Variants in AGBL1 observed in about 807,000 individuals in gnomAD.
The protein encoded by AGBL1 is cytosolic carboxypeptidase 4.
AGBL1 carries 130 observed loss-of-function variants against 118.9 expected under a neutral mutation model. The ratio of observed to expected loss-of-function variants is 1.09; its 90% CI spans 0.95 to 1.26. The LOEUF is 1.26. Ranked by LOEUF, AGBL1 falls within the 50% of genes most tolerant of loss-of-function variation. AGBL1 has a pLI of 0.00. For missense variants in AGBL1, 1,584 were observed against 1,298.1 expected (o/e 1.22, Z -3.38); for synonymous variants, 555 against 478.9 (o/e 1.16, Z -2.08).
intron 24 of AGBL1, among the ~76,000 whole-genome samples, chr15:86,992,214 G>A (rs981058361): frequency 1.4e-4 from 21 of 151,834 alleles, no homozygotes; most frequent in Non-Finnish European, 2.9e-5. Flanking sequence ...TGTGCTCTCA[G>A]ATTGAGAACT....
chr15:86,488,173 C>T (rs1019337153), intron 18 of AGBL1, among the ~76,000 whole-genome samples: 11 of 151,976 alleles, frequency 7.2e-5, no homozygotes, highest in African/African-American at 2.2e-4. Context: ...ACTTGAGCTC[C>T]TATATGTATA....
intron 24 of AGBL1, chr15:87,028,781 C>A (rs370171062): frequency 1.1e-5 from 17 of 1,579,504 alleles, no homozygotes; most frequent in South Asian, 5.6e-5. Flanking sequence ...AGAAGTTACA[C>A]GGCTTCAAGC....
At chr15:86,484,496 G>C (rs2082690157) in intron 18 of AGBL1, among the ~76,000 whole-genome samples, 1 of 152,122 alleles carries the variant, frequency 6.6e-6, no homozygotes, top group Non-Finnish European at 1.5e-5. Context: ...TTATGAATCT[G>C]AGTGGTTTTT....
At chr15:86,980,173 A>G (rs2081216165) in intron 23 of AGBL1, among the ~76,000 whole-genome samples, 1 of 152,216 alleles carries the variant, frequency 6.6e-6, no homozygotes, top group South Asian at 2.1e-4. Flanking sequence ...CTAGTTTTAA[A>G]TCAGAAGTGT....
intron 23 of AGBL1, among the ~76,000 whole-genome samples, chr15:86,937,612 A>G (rs1393336317): frequency 6.6e-6 from 1 of 152,240 alleles, no homozygotes; most frequent in African/African-American, 2.4e-5. Context: ...ACTTATGCAC[A>G]CAAAGAAGAA....
At chr15:86,668,602 A>C (rs943764890) in intron 21 of AGBL1, among the ~76,000 whole-genome samples, 1 of 152,158 alleles carries the variant, frequency 6.6e-6, no homozygotes, top group Admixed American at 6.5e-5. Context: ...GCATGTTTAC[A>C]GAGGATGTTC....
At chr15:86,962,085 A>G (rs938083876) in intron 23 of AGBL1, among the ~76,000 whole-genome samples, 1 of 152,152 alleles carries the variant, frequency 6.6e-6, no homozygotes, top group African/African-American at 2.4e-5. Context: ...TTCTATTACA[A>G]ATTGCAAATT....
chr15:86,215,224 C>CGTGT (rs1555449552), intron 5 of AGBL1, among the ~76,000 whole-genome samples: 2,143 of 114,388 alleles, frequency 0.019, 29 homozygotes, highest in Admixed American at 0.022. Flanking sequence ...TATATGTATG[C>CGTGT]GTGTGTGTGT....
intron 21 of AGBL1, among the ~76,000 whole-genome samples, chr15:86,574,258 C>A (rs1386276178): frequency 6.6e-6 from 1 of 152,170 alleles, no homozygotes; most frequent in Admixed American, 6.5e-5. Context: ...CAAGTGTGTA[C>A]CCAGAAGGTT....
chr15:86,343,941 T>C (rs969668749), intron 17 of AGBL1, among the ~76,000 whole-genome samples: 151 of 152,252 alleles, frequency 9.9e-4, no homozygotes, highest in African/African-American at 3.5e-3. Flanking sequence ...ATTGAATCAC[T>C]CCACAGTTTC....
At chr15:86,762,378 T>TA (rs1443767457) in intron 22 of AGBL1, among the ~76,000 whole-genome samples, 9 of 151,942 alleles carry the variant, frequency 5.9e-5, no homozygotes, top group African/African-American at 2.2e-4. Context: ...CTTAAAAAAA[T>TA]AAAAAATACC....
Position 86,615,732 on chromosome 15 carries a change from G to C in AGBL1, c.2995-58541G>C, listed in dbSNP as rs1044088797. Among the ~76,000 whole-genome samples the C allele has an allele frequency of 6.6e-6, 1 of 152,284 alleles. No individual in the cohort carries two copies. The highest frequency in any genetic ancestry group is 2.1e-4 in the South Asian group (1 of 4,820). On this transcript the variant is annotated intron_variant, in intron 21 of 22. Coordinates refer to ENST00000614907, the MANE Select transcript of AGBL1 (RefSeq NM_001386094.1). This position sits in a 1 kb window ranked among gnomAD's most constrained non-coding sequence, Gnocchi z 4.3. ...AAAACTACTCAAAGCCACAGAGTTA[G>C]AAATGTGAGTTTTATATTGTGGACA...
intron 24 of AGBL1, among the ~76,000 whole-genome samples, chr15:87,003,826 C>T (rs1399759299): frequency 1.3e-5 from 2 of 151,900 alleles, no homozygotes; most frequent in African/African-American, 2.4e-5. Flanking sequence ...TGGTGATATC[C>T]GCTTTATCAT....
chr15:86,391,816 T>C (rs2081292692), intron 17 of AGBL1, among the ~76,000 whole-genome samples: 1 of 151,988 alleles, frequency 6.6e-6, no homozygotes, highest in African/African-American at 2.4e-5. Flanking sequence ...AACCATTTCA[T>C]TTTTCCTTGG....
intron 22 of AGBL1, among the ~76,000 whole-genome samples, chr15:86,691,077 T>C (rs908990840): frequency 1.3e-5 from 2 of 152,102 alleles, no homozygotes; most frequent in African/African-American, 2.4e-5. Flanking sequence ...CAATTTTCTC[T>C]ATTAAGAAGT....
intron 22 of AGBL1, among the ~76,000 whole-genome samples, chr15:86,783,771 A>G (rs1567172245): frequency 1.3e-5 from 2 of 152,188 alleles, no homozygotes. Context: ...CTGGGATTAC[A>G]GGTGCATGCC....
intron 22 of AGBL1, among the ~76,000 whole-genome samples, chr15:86,782,467 T>C (rs1171628140): frequency 1.3e-5 from 2 of 152,218 alleles, no homozygotes; most frequent in Non-Finnish European, 2.9e-5. Flanking sequence ...TTTGAAATGC[T>C]ATGTAATCTG....
chr15:86,289,779 A>C, intron 16 of AGBL1, among the ~76,000 whole-genome samples: 1 of 152,106 alleles, frequency 6.6e-6, no homozygotes, highest in Non-Finnish European at 1.5e-5. Context: ...ATTACCCTGC[A>C]CCCAACCTGA....
intron 23 of AGBL1, among the ~76,000 whole-genome samples, chr15:86,960,702 C>T (rs2080984241): frequency 6.6e-6 from 1 of 151,820 alleles, no homozygotes; most frequent in South Asian, 2.1e-4. Context: ...TTCAAAATAG[C>T]CAAGATATGA....
Sources: gnomAD v4.1 joint callset for allele counts (sites outside exome capture counted in the v4.1 genomes callset) on GRCh38, gnomAD v4.1.1 for gene constraint, Gnocchi (gnomAD v3.1) non-coding constraint, MANE v1.5 for transcripts, NCBI Gene and HGNC (gene_info 2026-07-23, HGNC 2026-07-21) for gene names.